DYNLT2B: variants seen among roughly 807,000 people sequenced by gnomAD.
DYNLT2B encodes the protein dynein light chain Tctex-type 2B, also known as dynein light chain Tctex-type protein 2B.
DYNLT2B carries 14 observed loss-of-function variants against 19.5 expected under a neutral mutation model. That is an observed-to-expected ratio of 0.72 (90% CI 0.47 to 1.12). The LOEUF (loss-of-function observed/expected upper bound fraction) is 1.12, where lower values mean the gene tolerates loss of function less well. Ranked by LOEUF, DYNLT2B falls within the 50% of genes most tolerant of loss-of-function variation. The probability of loss-of-function intolerance (pLI) is 0.00; values close to 1 mark genes in which losing one functional copy is unlikely to be tolerated. For synonymous variants in DYNLT2B, 70 were observed against 59.7 expected (o/e 1.17, Z -0.79); for missense variants, 133 against 174.7 (o/e 0.76, Z 1.35).
intron 1 of DYNLT2B, 117 bp downstream of exon 1, chr3:196,317,923 C>T: frequency 6.5e-6 from 3 of 463,384 alleles, no homozygotes; most frequent in Non-Finnish European, 1.0e-5. Context: ...TCCCGCCTCC[C>T]GCCCCGCGGA....
intron 3 of DYNLT2B, among the ~76,000 whole-genome samples, chr3:196,298,883 TGGCAGTC>T (rs1353599918): frequency 2.6e-5 from 4 of 152,126 alleles, no homozygotes; most frequent in African/African-American, 4.8e-5. Flanking sequence ...GTAGGAGAGT[TGGCAGTC>T]TTTACTTTTT....
intron 2 of DYNLT2B, among the ~76,000 whole-genome samples, chr3:196,314,087 A>G (rs1328475375): frequency 6.6e-6 from 1 of 151,066 alleles, no homozygotes; most frequent in Non-Finnish European, 1.5e-5. Flanking sequence ...AACAACAGCA[A>G]AACTCCATCT....
At chr3:196,318,011 C>A in intron 1 of DYNLT2B, 29 bp downstream of exon 1, 2 of 1,395,236 alleles carry the variant, frequency 1.4e-6, no homozygotes, top group Non-Finnish European at 1.9e-6. Context: ...CGCTCGAGGT[C>A]GCCCCGCCAC....
chr3:196,296,326 T>C, intron 3 of DYNLT2B: 1 of 395,200 alleles, frequency 2.5e-6, no homozygotes, highest in South Asian at 4.2e-5. Context: ...CCCTACCTGA[T>C]GGCTACAGGG....
At chr3:196,292,252 A>G (rs1274087760) in intron 4 of DYNLT2B, 1 of 152,254 alleles carries the variant, frequency 6.6e-6, no homozygotes, top group Non-Finnish European at 1.5e-5. Context: ...CATTTATTAC[A>G]AGATTTCCAC....
intron 2 of DYNLT2B, among the ~76,000 whole-genome samples, chr3:196,315,698 C>A (rs1391553512): frequency 6.6e-6 from 1 of 152,026 alleles, no homozygotes; most frequent in Admixed American, 6.5e-5. Flanking sequence ...CATGGAGAAA[C>A]CCCGTCTCTA....
At chr3:196,300,699 A>G (rs945408762) in intron 3 of DYNLT2B, among the ~76,000 whole-genome samples, 2 of 145,956 alleles carry the variant, frequency 1.4e-5, no homozygotes, top group Non-Finnish European at 3.0e-5. Context: ...ATTGCACTCC[A>G]GCCTGGGCAA....
At chr3:196,305,113 G>C (rs747794527) in intron 3 of DYNLT2B, among the ~76,000 whole-genome samples, 56 of 152,116 alleles carry the variant, frequency 3.7e-4, no homozygotes, top group Non-Finnish European at 3.8e-4. Context: ...GGAACTCCTG[G>C]GCTCAAGTGA....
chr3:196,317,065 GT>G (rs1726849694), intron 1 of DYNLT2B, among the ~76,000 whole-genome samples: 1 of 34,510 alleles, frequency 2.9e-5, no homozygotes, highest in Non-Finnish European at 5.1e-5. Context: ...TGTGTGTGGT[GT>G]GTGTGTGTGT....
Position 196,318,140 on chromosome 3 carries a change from T to G in DYNLT2B, c.13A>C (p.Ile5Leu), listed in dbSNP as rs1236243426. The change falls in exon 1 of 5, where the codon ATC becomes CTC. Residue 5 changes from isoleucine (I) to leucine (L), a missense_variant. Ile to Leu is a conservative substitution (Grantham distance 5, BLOSUM62 2). Coordinates refer to ENST00000325318, the MANE Select transcript of DYNLT2B (RefSeq NM_152773.5). ...TCGCCCACCGAGAAGGACACTCCGA[T>G]GGACGTGGCCATGCCGGGGCTTCTC... MATS[I>L]GVSFSVGDGV... is the part of the protein sequence containing the mutation. 6.5e-7 allele frequency: 1 copy of G among 1,537,290 alleles called. No individual in the cohort carries two copies. Among genetic ancestry groups the G allele is most frequent in the East Asian group, 2.6e-5 (1 of 37,808 alleles).
At chr3:196,291,563 C>T (rs777551677) in intron 4 of DYNLT2B, among the ~76,000 whole-genome samples, 189 bp from the exon 5 acceptor site, 3 of 152,116 alleles carry the variant, frequency 2.0e-5, no homozygotes, top group African/African-American at 7.2e-5. Flanking sequence ...ACTGCAGCCT[C>T]GACCTCCTAC....
At chr3:196,299,814 C>G (rs1193936936) in intron 3 of DYNLT2B, among the ~76,000 whole-genome samples, 16 of 152,060 alleles carry the variant, frequency 1.1e-4, no homozygotes, top group Non-Finnish European at 1.5e-5. Flanking sequence ...GCCTGTAGTC[C>G]CAGCTACTCG....
At chr3:196,317,262 TTTTCA>T (rs1489142174) in intron 1 of DYNLT2B, among the ~76,000 whole-genome samples, 4 of 77,422 alleles carry the variant, frequency 5.2e-5, no homozygotes, top group Admixed American at 1.4e-4. Flanking sequence ...CTGACATTTT[TTTTCA>T]GTGTGTGTGT....
At chr3:196,317,218 C>T (rs1474406711) in intron 1 of DYNLT2B, among the ~76,000 whole-genome samples, 1 of 110,286 alleles carries the variant, frequency 9.1e-6, no homozygotes, top group African/African-American at 3.5e-5. Flanking sequence ...ATCTTACAAA[C>T]CTAGCTGAGT....
intron 3 of DYNLT2B, among the ~76,000 whole-genome samples, chr3:196,299,977 A>G (rs983249092): frequency 6.6e-6 from 1 of 152,132 alleles, no homozygotes; most frequent in Non-Finnish European, 1.5e-5. Flanking sequence ...ACTAAATCAC[A>G]AGGGTCCTTA....
intron 3 of DYNLT2B, among the ~76,000 whole-genome samples, chr3:196,304,108 T>C (rs1461444426): frequency 1.3e-5 from 2 of 152,206 alleles, no homozygotes; most frequent in African/African-American, 2.4e-5. Context: ...AATCTAAAAC[T>C]ATTTTAAAAT....
intron 4 of DYNLT2B, among the ~76,000 whole-genome samples, chr3:196,291,828 T>C (rs1004368679): frequency 1.2e-4 from 18 of 152,162 alleles, no homozygotes; most frequent in African/African-American, 3.4e-4. Flanking sequence ...AAGTGAAGGG[T>C]TTCCAGAGTA....
At position 196,317,456 on chromosome 3, in the gene DYNLT2B, CTGA is replaced by C. The variant is rs1411942204; in HGVS notation, c.113+581_113+583del. Among the ~76,000 whole-genome samples the C allele has an allele frequency of 7.0e-4, 21 of 29,824 alleles. 3 individuals carry two copies. Among genetic ancestry groups the C allele is most frequent in the Non-Finnish European group, 1.2e-3 (18 of 14,570 alleles). The allele number at this position is 29,824 out of a possible 152,430, so 19.6% of individuals were successfully genotyped here. A position where few individuals can be genotyped will look rare whatever the true frequency, so the allele number is the denominator to read the frequency against. On this transcript the variant is annotated intron_variant, in intron 1 of 4. Transcript: ENST00000325318. Reference sequence around the variant, plus strand: ...GTACCCTCTGCTCTGGCCCGTGAGCCTGATATTTTTTTCAGTGTGTGTGTGTGT... The same window carrying C: ...GTACCCTCTGCTCTGGCCCGTGAGCCTATTTTTTTCAGTGTGTGTGTGTGT...
In DYNLT2B at chr3:196,306,247, CAA is replaced by C. The variant is rs112341100; in HGVS notation, c.317+694_317+695del. ...GCCAACAGAGTGTGACCCATCTCTG[CAA>C]AAAAAAAAAAAAAAAAGAAAGAAAG... On this transcript the variant is annotated intron_variant, in intron 3 of 4. Transcript: ENST00000325318. Among the ~76,000 whole-genome samples the C allele has an allele frequency of 2.0e-3, 205 of 104,564 alleles. 1 individual carries two copies. Among genetic ancestry groups the C allele is most frequent in the African/African-American group, 5.5e-3 (139 of 25,118 alleles). The allele number at this position is 104,564 out of a possible 152,430, so 68.6% of individuals were successfully genotyped here. A position where few individuals can be genotyped will look rare whatever the true frequency, so the allele number is the denominator to read the frequency against.
Sources: allele counts gnomAD v4.1 joint callset (sites outside exome capture counted in the v4.1 genomes callset), GRCh38; gene constraint gnomAD v4.1.1; transcripts MANE v1.5; gene names NCBI Gene and HGNC (gene_info 2026-07-23, HGNC 2026-07-21).